The following RMND1 variants were observed in gnomAD, a reference collection of about 807,000 sequenced individuals.
The protein encoded by RMND1 is required for meiotic nuclear division 1 homolog.
In RMND1, 41 loss-of-function variants were observed where a neutral mutation model predicts 54.0. The ratio of observed to expected loss-of-function variants is 0.76; its 90% CI spans 0.59 to 0.98. The LOEUF is 0.98. Ranked by LOEUF, RMND1 falls within the 50% of genes least tolerant of loss-of-function variation. The probability of loss-of-function intolerance (pLI) is 0.00; values close to 1 mark genes in which losing one functional copy is unlikely to be tolerated. For missense variants in RMND1, 457 were observed against 532.0 expected (o/e 0.86, Z 1.39); for synonymous variants, 183 against 181.7 (o/e 1.01, Z -0.06).
At chr6:151,438,055 T>C (rs1017613392) in intron 2 of RMND1, among the ~76,000 whole-genome samples, 5 of 152,158 alleles carry the variant, frequency 3.3e-5, no homozygotes, top group East Asian at 3.9e-4. Context: ...CATAGTCACA[T>C]ATGAAAGTAG....
rs371455047 is a variant in RMND1 at position 151,420,880 on chromosome 6, T to A, written c.1079+365A>T. On this transcript the variant is annotated intron_variant, in intron 9 of 11. Coordinates refer to ENST00000444024, the MANE Select transcript of RMND1 (RefSeq NM_017909.4). The stretch of plus-strand genomic sequence containing the variant: ...GGTGTCTCAGATTCAAAGAAACTTT[T>A]CTGTAGCAATTAAGCCTATTTAGCA... The A allele has an allele frequency of 2.3e-3, 362 of 155,922 alleles. 1 individual carries two copies. Among genetic ancestry groups the A allele is most frequent in the African/African-American group, 8.1e-3 (339 of 41,704 alleles). The allele number at this position is 155,922 out of a possible 1,614,324, so 9.7% of individuals were successfully genotyped here. A position where few individuals can be genotyped will look rare whatever the true frequency, so the allele number is the denominator to read the frequency against.
intron 10 of RMND1, 119 bp downstream of exon 10, chr6:151,417,160 G>T: frequency 1.8e-6 from 2 of 1,141,948 alleles, no homozygotes; most frequent in Non-Finnish European, 2.5e-6. Flanking sequence ...ACAAGAAGGG[G>T]AAATATAAAG....
At chr6:151,436,234 C>T in intron 3 of RMND1, 1 of 496,498 alleles carries the variant, frequency 2.0e-6, no homozygotes, top group Non-Finnish European at 3.6e-6. Flanking sequence ...TATAAATAAT[C>T]TTAATAAATC....
At chr6:151,414,339 A>C (rs1779938467) in intron 10 of RMND1, among the ~76,000 whole-genome samples, 1 of 152,200 alleles carries the variant, frequency 6.6e-6, no homozygotes, top group Non-Finnish European at 1.5e-5. Flanking sequence ...GATTGGTAGG[A>C]AATATGATTG....
chr6:151,420,739 ATTT>A (rs1780129604), intron 9 of RMND1: 1 of 152,228 alleles, frequency 6.6e-6, no homozygotes, highest in South Asian at 2.1e-4. Flanking sequence ...ATGTGATATA[ATTT>A]ATATCCAGCT....
At position 151,422,555 on chromosome 6, in the gene RMND1, G is replaced by A; in HGVS notation, c.988C>T (p.Gln330Ter). 3 of 1,528,028 alleles carry A rather than the reference G, an allele frequency of 2.0e-6. No homozygotes were observed. Among genetic ancestry groups the A allele is most frequent in the Non-Finnish European group, 2.7e-6 (3 of 1,125,632 alleles). 94.7% of individuals were successfully genotyped at this position (1,528,028 alleles called of 1,614,324 possible). A position where few individuals can be genotyped will look rare whatever the true frequency, so the allele number is the denominator to read the frequency against. The change falls in exon 8 of 12, where the codon CAG becomes TAG. Residue 330 changes from glutamine to a stop codon, truncating the protein, a stop_gained. Transcript: ENST00000444024. LOFTEE classifies it high-confidence loss of function. ...GATATAATTACCTCAGGAATTGACT[G>A]AATAGATTCAATAAATTTATCCAGT... is the stretch of plus-strand genomic sequence containing the variant. ...ASLDKFIESI[Q>*]SIPEALKAGK...
intron 2 of RMND1, among the ~76,000 whole-genome samples, chr6:151,437,788 C>T (rs963206661): frequency 1.3e-5 from 2 of 152,174 alleles, no homozygotes; most frequent in Non-Finnish European, 2.9e-5. Flanking sequence ...AATGGCCTGA[C>T]CCCATTTGCC....
intron 10 of RMND1, among the ~76,000 whole-genome samples, chr6:151,410,946 G>C (rs1354189438): frequency 6.6e-6 from 1 of 151,908 alleles, no homozygotes; most frequent in East Asian, 1.9e-4. Flanking sequence ...CTTCCTGTAG[G>C]AGACTTTATC....
intron 9 of RMND1, among the ~76,000 whole-genome samples, chr6:151,418,191 A>C (rs1780061012): frequency 6.6e-6 from 1 of 152,102 alleles, no homozygotes; most frequent in African/African-American, 2.4e-5. Context: ...AGGCGGGCAG[A>C]TTGCTCGAGT....
intron 3 of RMND1, among the ~76,000 whole-genome samples, chr6:151,435,974 G>A (rs1015070831): frequency 1.3e-4 from 19 of 151,302 alleles, no homozygotes; most frequent in Admixed American, 7.2e-4. Flanking sequence ...GTGTGGTGGC[G>A]CATGCCTGTA....
At chr6:151,445,982 TAC>T (rs1358734530) in intron 1 of RMND1, 157 bp from the exon 2 acceptor site, 6 of 691,858 alleles carry the variant, frequency 8.7e-6, no homozygotes, top group African/African-American at 1.8e-5. Context: ...AAAATATAAG[TAC>T]AGTGTTTCTG....
At chr6:151,450,018 G>A (rs79909944) in intron 1 of RMND1, among the ~76,000 whole-genome samples, 10,733 of 152,186 alleles carry the variant, frequency 0.071, 836 homozygotes, top group East Asian at 0.35. Flanking sequence ...CCTCCCAGCC[G>A]CCTGCCTTGG....
intron 2 of RMND1, among the ~76,000 whole-genome samples, chr6:151,437,649 G>A (rs1043234734): frequency 6.6e-6 from 1 of 152,278 alleles, no homozygotes; most frequent in Non-Finnish European, 1.5e-5. Context: ...TTATTCTTAG[G>A]ATTTACTCCT....
intron 1 of RMND1, among the ~76,000 whole-genome samples, chr6:151,449,306 T>C (rs1582974222): frequency 6.7e-6 from 1 of 148,712 alleles, no homozygotes; most frequent in South Asian, 2.2e-4. Context: ...GAGGTGGAGG[T>C]TGCAGTGAGC....
Position 151,423,544 on chromosome 6 carries a change from G to A in RMND1, c.918C>T (p.Ser306=), listed in dbSNP as rs1189195855. 6.2e-7 allele frequency: 1 copy of A among 1,611,250 alleles called. No individual in the cohort carries two copies. The highest frequency in any genetic ancestry group is 8.5e-7 in the Non-Finnish European group (1 of 1,177,452). Residue 306 remains serine, a synonymous_variant, in exon 7 of 12, where the codon TCC becomes TCT. Coordinates refer to ENST00000444024, the MANE Select transcript of RMND1 (RefSeq NM_017909.4). ...ACTTACCAGAAAGGCATAGAGCATT[G>A]GAGAAAGCAAACTTCTCTAGAATGG... ...DDAILEKFAF[S]NALCLSVKLA...
chr6:151,410,194 A>G (rs1167455429), intron 10 of RMND1, among the ~76,000 whole-genome samples: 1 of 151,800 alleles, frequency 6.6e-6, no homozygotes, highest in Non-Finnish European at 1.5e-5. Context: ...AGCTGGGACT[A>G]CAGACGCCCG....
At chr6:151,414,876 T>C (rs1224676920) in intron 10 of RMND1, among the ~76,000 whole-genome samples, 1 of 152,154 alleles carries the variant, frequency 6.6e-6, no homozygotes, top group Non-Finnish European at 1.5e-5. Context: ...CAGAAGGAAG[T>C]GGCATGGCAT....
At chr6:151,442,301 T>G (rs1780802853) in intron 2 of RMND1, among the ~76,000 whole-genome samples, 1 of 152,138 alleles carries the variant, frequency 6.6e-6, no homozygotes, top group South Asian at 2.1e-4. Context: ...CCACAAAAGC[T>G]TCACAAACCA....
chr6:151,445,770 A>G lies in RMND1; in HGVS notation c.42T>C (p.His14=), dbSNP rs1385147801. The change falls in exon 2 of 12, where the codon CAT becomes CAC. Residue 14 remains histidine, a synonymous_variant. Transcript: ENST00000444024. ...TLLRAVARSH[H]ILSKAHQCRR... Reference sequence around the variant, plus strand: ...GGCACTGATGTGCTTTTGATAATATATGATGAGATCTGGCCACGGCTCTGA... The same window carrying G: ...GGCACTGATGTGCTTTTGATAATATGTGATGAGATCTGGCCACGGCTCTGA... 1.2e-6 allele frequency: 2 copies of G among 1,613,414 alleles called. No individual in the cohort carries two copies. Among genetic ancestry groups the G allele is most frequent in the Admixed American group, 3.3e-5 (2 of 60,022 alleles).
Sources: allele counts gnomAD v4.1 joint callset (sites outside exome capture counted in the v4.1 genomes callset), GRCh38; gene constraint gnomAD v4.1.1; transcripts MANE v1.5; gene names NCBI Gene and HGNC (gene_info 2026-07-23, HGNC 2026-07-21).